Variants in SLC37A3 observed in about 807,000 individuals in gnomAD.
SLC37A3 encodes sugar phosphate exchanger 3.
Under a neutral mutation model 67.1 loss-of-function variants are expected in SLC37A3, and 51 were observed. The observed-to-expected ratio is 0.76, with a 90% CI of 0.61 to 0.96. The LOEUF (loss-of-function observed/expected upper bound fraction) is 0.96. Ranked by LOEUF, SLC37A3 falls within the 40% of genes least tolerant of loss-of-function variation. The pLI, the probability that SLC37A3 is intolerant of heterozygous loss-of-function variation, is 0.00. For synonymous variants in SLC37A3, 214 were observed against 231.4 expected (o/e 0.92, Z 0.68); for missense variants, 508 against 603.0 (o/e 0.84, Z 1.65).
chr7:140,386,212 C>T (rs1034543702), intron 1 of SLC37A3, among the ~76,000 whole-genome samples: 3 of 151,956 alleles, frequency 2.0e-5, no homozygotes, highest in South Asian at 2.1e-4. Context: ...GGAATACAGG[C>T]GCACATGCCA....
intron 4 of SLC37A3, among the ~76,000 whole-genome samples, chr7:140,368,929 C>T (rs1797712713): frequency 6.6e-6 from 1 of 152,162 alleles, no homozygotes. Context: ...CATCATCCTT[C>T]ACCTCAAAAG....
At chr7:140,346,994 C>T (rs1041353475) in intron 10 of SLC37A3, among the ~76,000 whole-genome samples, 4 of 152,116 alleles carry the variant, frequency 2.6e-5, no homozygotes, top group Non-Finnish European at 1.5e-5. Context: ...GGCACAGTGG[C>T]TCACGCCTGT....
intron 1 of SLC37A3, among the ~76,000 whole-genome samples, chr7:140,382,941 G>A (rs1023684218): frequency 6.6e-6 from 1 of 152,108 alleles, no homozygotes; most frequent in African/African-American, 2.4e-5. Flanking sequence ...AATCCCACTA[G>A]TAATATTAGA....
At chr7:140,343,733 G>T in intron 12 of SLC37A3, 170 bp from the exon 13 acceptor site, 1 of 643,292 alleles carries the variant, frequency 1.6e-6, no homozygotes, top group Non-Finnish European at 2.6e-6. Flanking sequence ...TAACATCCAC[G>T]TTCCTGAAAT....
At chr7:140,374,247 A>G (rs1797934387) in intron 3 of SLC37A3, among the ~76,000 whole-genome samples, 1 of 152,108 alleles carries the variant, frequency 6.6e-6, no homozygotes, top group Admixed American at 6.5e-5. Context: ...TACAATCCCA[A>G]GCACTTTGGG....
intron 5 of SLC37A3, among the ~76,000 whole-genome samples, chr7:140,363,750 AAAAAAAAAAAAAAAAG>A (rs1239878523): frequency 1.2e-4 from 3 of 25,644 alleles, no homozygotes; most frequent in African/African-American, 2.3e-4. Flanking sequence ...CAAAAAAAAA[AAAAAAAAAAAAAAAAG>A]AAAGGAGCGG....
intron 1 of SLC37A3, among the ~76,000 whole-genome samples, chr7:140,393,625 T>C (rs1252145787): frequency 6.6e-6 from 1 of 152,224 alleles, no homozygotes; most frequent in Non-Finnish European, 1.5e-5. Context: ...CTTCCTTTTC[T>C]TGGCTAGTCA....
rs374889032 is a variant in SLC37A3 at position 140,377,814 on chromosome 7, T to C, written c.198+2468A>G. ...AGGAGGCTGAGGCAGGAGGATCGTT[T>C]GAGCCCAAGAGTTCAAGTACGGCCT... is the stretch of plus-strand genomic sequence containing the variant. On this transcript the variant is annotated intron_variant, in intron 3 of 14. Coordinates refer to ENST00000326232, the MANE Select transcript of SLC37A3 (RefSeq NM_207113.3). Among the ~76,000 whole-genome samples, 6 of 152,108 alleles carry C rather than the reference T, an allele frequency of 3.9e-5. No homozygotes were observed. The East Asian group carries it at 7.7e-4, about 20-fold the overall frequency.
intron 10 of SLC37A3, among the ~76,000 whole-genome samples, chr7:140,347,914 T>C (rs1239075443): frequency 1.3e-5 from 2 of 152,252 alleles, no homozygotes; most frequent in Non-Finnish European, 2.9e-5. Context: ...ATATGTTCCA[T>C]GACCCCCGTG....
chr7:140,387,916 A>T (rs1265353887), intron 1 of SLC37A3, among the ~76,000 whole-genome samples: 1 of 132,644 alleles, frequency 7.5e-6, no homozygotes, highest in Non-Finnish European at 1.5e-5. Context: ...TGGGAGGATC[A>T]CCTGGGAGTT....
chr7:140,395,810 C>T (rs551927637), intron 1 of SLC37A3, among the ~76,000 whole-genome samples: 7 of 152,272 alleles, frequency 4.6e-5, no homozygotes, highest in African/African-American at 1.7e-4. Flanking sequence ...GAGTGGTTCT[C>T]TTACACACTC....
intron 13 of SLC37A3, 158 bp from the exon 14 acceptor site, chr7:140,337,507 C>A: frequency 2.0e-6 from 1 of 508,740 alleles, no homozygotes. Flanking sequence ...CATGTGCCTG[C>A]TGTGATTAAT....
intron 1 of SLC37A3, among the ~76,000 whole-genome samples, chr7:140,387,695 T>C (rs1195418805): frequency 1.1e-5 from 1 of 94,042 alleles, no homozygotes; most frequent in African/African-American, 4.7e-5. Context: ...ATTATATATA[T>C]TATATAAATA....
Position 140,382,598 on chromosome 7 carries a change from T to TCCGCAGTGGTCGCCGCTCTCCAGCCCC in SLC37A3, c.-70-3_-70-2insGGGGCTGGAGAGCGGCGACCACTGCGG. ...AGTGATTTACATCATTTCTTCCTTC[T>TCCGCAGTGGTCGCCGCTCTCCAGCCCC]GGAAAGACAAAACACATTATGGACA... On this transcript the variant is annotated splice_region_variant and splice_polypyrimidine_tract_variant and intron_variant, in intron 1 of 14. Transcript: ENST00000326232. 2 of 1,354,338 alleles carry TCCGCAGTGGTCGCCGCTCTCCAGCCCC rather than the reference T, an allele frequency of 1.5e-6. No individual in the cohort carries two copies. Among genetic ancestry groups the TCCGCAGTGGTCGCCGCTCTCCAGCCCC allele is most frequent in the Non-Finnish European group, 2.1e-6 (2 of 952,366 alleles). The allele number at this position is 1,354,338 out of a possible 1,614,324, so 83.9% of individuals were successfully genotyped here. A position where few individuals can be genotyped will look rare whatever the true frequency, so the allele number is the denominator to read the frequency against.
intron 6 of SLC37A3, among the ~76,000 whole-genome samples, chr7:140,357,764 A>G (rs2117115083): frequency 6.6e-6 from 1 of 152,180 alleles, no homozygotes; most frequent in South Asian, 2.1e-4. Context: ...CTAAAAATGC[A>G]AAACTAGCCA....
intron 13 of SLC37A3, among the ~76,000 whole-genome samples, chr7:140,341,122 A>AC (rs1796346076): frequency 6.6e-6 from 1 of 152,026 alleles, no homozygotes; most frequent in African/African-American, 2.4e-5. Flanking sequence ...TGTAGAGATG[A>AC]GGGTCTCACT....
At chr7:140,338,763 C>G (rs1352973696) in intron 13 of SLC37A3, among the ~76,000 whole-genome samples, 1 of 149,434 alleles carries the variant, frequency 6.7e-6, no homozygotes, top group Non-Finnish European at 1.5e-5. Context: ...TGAGCCACTG[C>G]GCCCGGACTT....
intron 3 of SLC37A3, among the ~76,000 whole-genome samples, chr7:140,378,288 A>C (rs1240236394): frequency 1.3e-5 from 2 of 152,226 alleles, no homozygotes; most frequent in Non-Finnish European, 2.9e-5. Context: ...AAGTTGAATA[A>C]AAATGTAAGC....
intron 3 of SLC37A3, among the ~76,000 whole-genome samples, chr7:140,371,562 A>C (rs1797822896): frequency 6.6e-6 from 1 of 152,224 alleles, no homozygotes; most frequent in Non-Finnish European, 1.5e-5. Flanking sequence ...AGTTTTTAAA[A>C]TTCCTTTAGA....
Sources: allele counts gnomAD v4.1 joint callset (sites outside exome capture counted in the v4.1 genomes callset), GRCh38; gene constraint gnomAD v4.1.1; transcripts MANE v1.5; gene names NCBI Gene and HGNC (gene_info 2026-07-23, HGNC 2026-07-21).